Variants in SIL1 observed in about 807,000 individuals in gnomAD.
SIL1 encodes SIL1 nucleotide exchange factor, also known as nucleotide exchange factor SIL1.
In SIL1, 40 loss-of-function variants were observed where a neutral mutation model predicts 49.1. The observed-to-expected ratio is 0.81, with a 90% CI of 0.63 to 1.06. The LOEUF (loss-of-function observed/expected upper bound fraction) is 1.06. SIL1 is among the 50% of genes least tolerant of loss of function. The probability of loss-of-function intolerance (pLI) is 0.00; values close to 1 mark genes in which losing one functional copy is unlikely to be tolerated. For missense variants in SIL1, 500 were observed against 572.6 expected (o/e 0.87, Z 1.29); for synonymous variants, 253 against 250.8 (o/e 1.01, Z -0.08).
At chr5:139,001,482 T>C (rs1767982402) in intron 7 of SIL1, among the ~76,000 whole-genome samples, 1 of 152,334 alleles carries the variant, frequency 6.6e-6, no homozygotes, top group African/African-American at 2.4e-5. Context: ...GGTTTTCAAA[T>C]AGTGGGATGC....
At chr5:138,995,620 C>T (rs181317442) in intron 7 of SIL1, among the ~76,000 whole-genome samples, 86 of 152,328 alleles carry the variant, frequency 5.6e-4, no homozygotes, top group African/African-American at 2.0e-3. Flanking sequence ...TTATTGTAAA[C>T]TATAGTCACC....
At chr5:139,006,531 G>A (rs1472606400) in intron 7 of SIL1, among the ~76,000 whole-genome samples, 5 of 146,296 alleles carry the variant, frequency 3.4e-5, no homozygotes, top group Admixed American at 2.1e-4. Flanking sequence ...CCTTGCCCAC[G>A]CCTATGTCCT....
intron 7 of SIL1, among the ~76,000 whole-genome samples, chr5:138,964,380 A>G (rs73267425): frequency 6.8e-4 from 103 of 152,310 alleles, no homozygotes; most frequent in African/African-American, 2.4e-3. Flanking sequence ...GGGTTGTCTG[A>G]AAAATGGAGG....
intron 3 of SIL1, among the ~76,000 whole-genome samples, chr5:139,057,826 G>C (rs896340731): frequency 6.6e-6 from 1 of 152,198 alleles, no homozygotes; most frequent in African/African-American, 2.4e-5. Context: ...CACACCAGCA[G>C]TTTCAGTGTC....
At chr5:139,080,406 C>CA (rs1250892401) in intron 3 of SIL1, among the ~76,000 whole-genome samples, 1 of 152,112 alleles carries the variant, frequency 6.6e-6, no homozygotes, top group Non-Finnish European at 1.5e-5. Context: ...CAGTCTCTGC[C>CA]AAAAACCAAC....
intron 2 of SIL1, 31 bp downstream of exon 2, chr5:139,127,708 G>C (rs1244794483): frequency 6.4e-7 from 1 of 1,565,560 alleles, no homozygotes; most frequent in African/African-American, 1.4e-5. Flanking sequence ...CCTCATCAAG[G>C]GTCCCTCCCA....
chr5:138,950,477 C>T (rs942863744), intron 9 of SIL1, among the ~76,000 whole-genome samples: 9 of 152,316 alleles, frequency 5.9e-5, no homozygotes, highest in South Asian at 2.1e-4. Flanking sequence ...CTCCACCATT[C>T]GGCAGCAGTT....
intron 3 of SIL1, among the ~76,000 whole-genome samples, chr5:139,061,340 G>C (rs900126312): frequency 1.3e-5 from 2 of 152,198 alleles, no homozygotes; most frequent in African/African-American, 2.4e-5. Flanking sequence ...TAAGAGCTTT[G>C]GTAGTTATGG....
chr5:139,090,267 G>C (rs1362853581), intron 3 of SIL1, among the ~76,000 whole-genome samples: 1 of 152,092 alleles, frequency 6.6e-6, no homozygotes, highest in Admixed American at 6.5e-5. Flanking sequence ...TACCTGATGA[G>C]TTCCTGCCAC....
intron 3 of SIL1, among the ~76,000 whole-genome samples, chr5:139,063,151 T>A (rs1182369312): frequency 6.6e-6 from 1 of 152,168 alleles, no homozygotes; most frequent in Non-Finnish European, 1.5e-5. Flanking sequence ...CCCAGAGGAA[T>A]GGGTAGGAAA....
chr5:139,129,423 G>A (rs1216037232), intron 1 of SIL1, among the ~76,000 whole-genome samples: 3 of 152,112 alleles, frequency 2.0e-5, no homozygotes, highest in East Asian at 1.9e-4. Context: ...GGTGGCTCAC[G>A]CCTGTAATCC....
At chr5:139,085,009 C>T (rs974091962) in intron 3 of SIL1, among the ~76,000 whole-genome samples, 5 of 152,020 alleles carry the variant, frequency 3.3e-5, no homozygotes, top group South Asian at 2.1e-4. Context: ...AGCAGCATGC[C>T]GTGAATAGCA....
At chr5:139,178,310 C>A (rs1418491792) in intron 1 of SIL1, among the ~76,000 whole-genome samples, 2 of 152,162 alleles carry the variant, frequency 1.3e-5, no homozygotes, top group Non-Finnish European at 2.9e-5. Context: ...TCTTCATTTT[C>A]ACTCCCTCAA....
chr5:139,021,444 C>A, intron 6 of SIL1, 152 bp from the exon 7 acceptor site: 2 of 1,143,068 alleles, frequency 1.7e-6, no homozygotes, highest in South Asian at 1.4e-5. Context: ...TTTGTAAAAA[C>A]CAATTTTTTA....
At chr5:139,003,649 A>G (rs1768042954) in intron 7 of SIL1, among the ~76,000 whole-genome samples, 1 of 152,202 alleles carries the variant, frequency 6.6e-6, no homozygotes, top group Admixed American at 6.5e-5. Context: ...TTTTATGATG[A>G]GCATATATAT....
chr5:139,190,354 G>A (rs1157341732), intron 1 of SIL1, among the ~76,000 whole-genome samples: 1 of 152,212 alleles, frequency 6.6e-6, no homozygotes, highest in African/African-American at 2.4e-5. Context: ...AAGAGCAAGA[G>A]AAACACATTT....
intron 9 of SIL1, among the ~76,000 whole-genome samples, chr5:138,949,686 C>T (rs1766717473): frequency 6.6e-6 from 1 of 151,244 alleles, no homozygotes; most frequent in Non-Finnish European, 1.5e-5. Flanking sequence ...TGGCATGGAC[C>T]TGTAGTCCCA....
intron 1 of SIL1, among the ~76,000 whole-genome samples, chr5:139,197,779 G>A (rs545455706): frequency 2.0e-5 from 3 of 152,150 alleles, no homozygotes; most frequent in Non-Finnish European, 4.4e-5. Context: ...TATGCACAAA[G>A]CCCCTAGACG....
chr5:139,045,886 T>C (rs1321444833), intron 4 of SIL1, among the ~76,000 whole-genome samples: 1 of 152,214 alleles, frequency 6.6e-6, no homozygotes, highest in African/African-American at 2.4e-5. Flanking sequence ...AATCTCCAAA[T>C]TCATTCAGTC....
Sources: allele counts gnomAD v4.1 joint callset (sites outside exome capture counted in the v4.1 genomes callset), GRCh38; gene constraint gnomAD v4.1.1; transcripts MANE v1.5; gene names NCBI Gene and HGNC (gene_info 2026-07-23, HGNC 2026-07-21).